The following SLC14A2 variants were observed in gnomAD, a reference collection of about 807,000 sequenced individuals.
SLC14A2 encodes urea transporter 2.
SLC14A2 carries 91 observed loss-of-function variants against 104.6 expected under a neutral mutation model. That is an observed-to-expected ratio of 0.87 (90% CI 0.73 to 1.04). The LOEUF is 1.04. Among genes scored for constraint, SLC14A2 ranks in the 50% least tolerant of loss-of-function variants. The probability of loss-of-function intolerance (pLI) is 0.00; values close to 1 mark genes in which losing one functional copy is unlikely to be tolerated. For synonymous variants in SLC14A2, 476 were observed against 466.4 expected (o/e 1.02, Z -0.27); for missense variants, 1,189 against 1,156.0 (o/e 1.03, Z -0.41).
chr18:45,539,908 AT>A (rs2043859271), intron 2 of SLC14A2, among the ~76,000 whole-genome samples: 1 of 151,606 alleles, frequency 6.6e-6, no homozygotes. Context: ...AAAAAAAAAA[AT>A]TTAAAAAAAA....
chr18:45,258,841 A>G (rs1040273803), intron 1 of SLC14A2, among the ~76,000 whole-genome samples: 3 of 102,878 alleles, frequency 2.9e-5, no homozygotes, highest in Non-Finnish European at 6.1e-5. Flanking sequence ...TGACTTGATC[A>G]GGCTCCTAGA....
rs183576070 is a variant in SLC14A2 at position 45,331,030 on chromosome 18, T to C, written c.-125+117839T>C. On this transcript the variant is annotated intron_variant, in intron 1 of 20. Coordinates refer to the SLC14A2 transcript ENST00000586448. The stretch of plus-strand genomic sequence containing the variant: ...ATAAAACCCAAGGAACATAAGAAAA[T>C]ACATAGGTAAAATTGTTGATATTTT... Among the ~76,000 whole-genome samples, 33 of 152,092 alleles carry C rather than the reference T, an allele frequency of 2.2e-4. No homozygotes were observed. In the East Asian group the frequency reaches 6.2e-3, roughly 28 times the overall value.
intron 1 of SLC14A2, among the ~76,000 whole-genome samples, chr18:45,350,691 G>A (rs2144305537): frequency 6.6e-6 from 1 of 151,674 alleles, no homozygotes; most frequent in South Asian, 2.1e-4. Context: ...TTTGATTTCT[G>A]CCTCACTCCC....
Position 45,681,053 on chromosome 18 carries a change from T to G in SLC14A2, c.2563-1266T>G, listed in dbSNP as rs1405604156. Among the ~76,000 whole-genome samples the G allele has an allele frequency of 8.1e-3, 2 of 248 alleles. 1 individual carries two copies. The highest frequency in any genetic ancestry group is 8.3e-3 in the African/African-American group (2 of 242). 0.2% of individuals were successfully genotyped at this position (248 alleles called of 152,430 possible). On this transcript the variant is annotated intron_variant, in intron 19 of 19. Transcript: ENST00000255226. ...CATGGTAGTATCTGAGGTTTTTTTT[T>G]TTTTTTTTTTTTTTTTTTTTTTTTT...
intron 2 of SLC14A2, among the ~76,000 whole-genome samples, chr18:45,534,089 G>A (rs1421337257): frequency 6.6e-6 from 1 of 152,202 alleles, no homozygotes; most frequent in Non-Finnish European, 1.5e-5. Context: ...GAACAGAGAG[G>A]TATGGTAAAA....
chr18:45,442,490 C>T (rs1598821808), intron 1 of SLC14A2, among the ~76,000 whole-genome samples: 1 of 152,186 alleles, frequency 6.6e-6, no homozygotes. Context: ...TTCATCCTCA[C>T]ACAGTATTCT....
chr18:45,595,380 A>G (rs764250101), intron 2 of SLC14A2, among the ~76,000 whole-genome samples: 1 of 151,262 alleles, frequency 6.6e-6, no homozygotes, highest in Non-Finnish European at 1.5e-5. Context: ...TAAGGTAGGC[A>G]TGATTTGTAT....
At chr18:45,234,055 C>T (rs1246099914) in intron 1 of SLC14A2, among the ~76,000 whole-genome samples, 1 of 151,472 alleles carries the variant, frequency 6.6e-6, no homozygotes, top group East Asian at 1.9e-4. Context: ...GTAATTTCTG[C>T]ACACTATACC....
chr18:45,305,030 GTGTCT>G (rs2085004781), intron 1 of SLC14A2, among the ~76,000 whole-genome samples: 2 of 152,234 alleles, frequency 1.3e-5, no homozygotes, highest in Non-Finnish European at 2.9e-5. Context: ...TCATTCCACA[GTGTCT>G]GTGGTCAAAT....
intron 1 of SLC14A2, among the ~76,000 whole-genome samples, chr18:45,476,096 A>G (rs1276354091): frequency 1.3e-5 from 2 of 152,078 alleles, no homozygotes; most frequent in East Asian, 3.9e-4. Context: ...ACAATTTGGT[A>G]TGTTTTTGCA....
intron 1 of SLC14A2, among the ~76,000 whole-genome samples, chr18:45,299,132 G>A (rs914104275): frequency 6.6e-6 from 1 of 152,220 alleles, no homozygotes; most frequent in Non-Finnish European, 1.5e-5. Flanking sequence ...ATGTTCACCG[G>A]AAGATAGCTC....
intron 1 of SLC14A2, among the ~76,000 whole-genome samples, chr18:45,471,504 T>C (rs2087248037): frequency 6.6e-6 from 1 of 152,210 alleles, no homozygotes; most frequent in Admixed American, 6.5e-5. Context: ...TTCTATTCTA[T>C]ATTTTTTAGT....
intron 1 of SLC14A2, among the ~76,000 whole-genome samples, chr18:45,318,784 T>C (rs1374192885): frequency 6.7e-6 from 1 of 148,896 alleles, no homozygotes; most frequent in Non-Finnish European, 1.5e-5. Context: ...CAAAACTCTG[T>C]CTAAAAAAAA....
chr18:45,527,891 C>T (rs2043619061), intron 2 of SLC14A2: 1 of 152,102 alleles, frequency 6.6e-6, no homozygotes, highest in South Asian at 2.1e-4. Flanking sequence ...ACAGCTCTTT[C>T]CAAGAAAAAA....
the SLC14A2 span, among the ~76,000 whole-genome samples, chr18:45,183,906 A>ATTTTTT: frequency 5.6e-3 from 354 of 62,726 alleles, 44 homozygotes; most frequent in African/African-American, 8.3e-3. Flanking sequence ...TAATTTTCTA[A>ATTTTTT]TTTTTTTTTT....
At chr18:45,497,538 C>A (rs949915850) in intron 2 of SLC14A2, among the ~76,000 whole-genome samples, 2 of 152,088 alleles carry the variant, frequency 1.3e-5, no homozygotes, top group East Asian at 3.9e-4. Context: ...CAAGGGTGGC[C>A]AGACAAGGCC....
At chr18:45,311,885 G>T (rs1287579026) in intron 1 of SLC14A2, among the ~76,000 whole-genome samples, 2 of 152,228 alleles carry the variant, frequency 1.3e-5, no homozygotes, top group African/African-American at 4.8e-5. Context: ...CAGAGGCCAA[G>T]ACGTGGGAGA....
intron 1 of SLC14A2, among the ~76,000 whole-genome samples, chr18:45,253,035 G>T (rs2084439345): frequency 6.6e-6 from 1 of 152,142 alleles, no homozygotes; most frequent in South Asian, 2.1e-4. Flanking sequence ...AAATAAAAAA[G>T]GCTGCATCCA....
intron 2 of SLC14A2, among the ~76,000 whole-genome samples, chr18:45,502,837 C>T (rs76822486): frequency 0.031 from 4,651 of 151,904 alleles, 262 homozygotes; most frequent in African/African-American, 0.11. Flanking sequence ...GACCCAGGAT[C>T]CTGGATTTTC....
Sources: gnomAD v4.1 joint callset for allele counts (sites outside exome capture counted in the v4.1 genomes callset) on GRCh38, gnomAD v4.1.1 for gene constraint, MANE v1.5 for transcripts, NCBI Gene and HGNC (gene_info 2026-07-23, HGNC 2026-07-21) for gene names.